The following SEPTIN10 variants were observed in gnomAD, a reference collection of about 807,000 sequenced individuals.
SEPTIN10 encodes the protein septin-10.
In SEPTIN10, 66 loss-of-function variants were observed where a neutral mutation model predicts 54.8. That is an observed-to-expected ratio of 1.21 (90% CI 0.99 to 1.48). The LOEUF is 1.48. SEPTIN10 is among the 40% of genes most tolerant of loss of function. The pLI is 0.00. For synonymous variants in SEPTIN10, 161 were observed against 181.0 expected (o/e 0.89, Z 0.89); for missense variants, 620 against 545.6 (o/e 1.14, Z -1.36).
At chr2:109,589,366 C>A (rs1693412904) in intron 2 of SEPTIN10, among the ~76,000 whole-genome samples, 1 of 151,962 alleles carries the variant, frequency 6.6e-6, no homozygotes, top group Non-Finnish European at 1.5e-5. Context: ...AACCCCATCT[C>A]TACCAGAAAT....
chr2:109,585,802 G>A lies in SEPTIN10; in HGVS notation c.136C>T (p.His46Tyr). 1 of 1,613,774 alleles carries A rather than the reference G, an allele frequency of 6.2e-7. No individual in the cohort carries two copies. Among genetic ancestry groups the A allele is most frequent in the African/African-American group, 1.3e-5 (1 of 74,966 alleles). The change falls in exon 3 of 11, where the codon CAT becomes TAT. Residue 46 changes from histidine to tyrosine, a missense_variant. Transcript: ENST00000397712. Reference protein sequence around the residue: ...ENIRSLTMSGHVGFESLPDQL... With the variant: ...ENIRSLTMSGYVGFESLPDQL... ...TCAGGCAAACTCTCAAAACCAACAT[G>A]GCCAGACATAGTCAACGAACGAATG...
intron 1 of SEPTIN10, chr2:109,613,163 A>C: frequency 7.8e-7 from 1 of 1,289,122 alleles, no homozygotes. Flanking sequence ...TATTAACGAA[A>C]ATAGTTGTAA....
At chr2:109,613,706 G>C (rs1448150836) in intron 1 of SEPTIN10, 92 bp downstream of exon 1, 5 of 880,070 alleles carry the variant, frequency 5.7e-6, no homozygotes, top group East Asian at 3.6e-5. Flanking sequence ...TCACAATCCC[G>C]GGCCGGACCA....
rs553760567 is a variant in SEPTIN10, at chr2:109,586,390, G to C, written c.100-552C>G. Among the ~76,000 whole-genome samples the C allele has an allele frequency of 8.5e-5, 13 of 152,192 alleles. No homozygotes were observed. The South Asian group carries it at 2.7e-3, about 32-fold the overall frequency. The stretch of plus-strand genomic sequence containing the variant: ...TGAGGGAAGGAAACTTATCAGGTGA[G>C]ATGAGTTTATCTAGCTTTTTCCCTG... On this transcript the variant is annotated intron_variant, in intron 2 of 10. Coordinates refer to ENST00000397712, the MANE Select transcript of SEPTIN10 (RefSeq NM_144710.5).
At chr2:109,566,405 G>C (rs1171542021) in intron 6 of SEPTIN10, among the ~76,000 whole-genome samples, 1 of 152,056 alleles carries the variant, frequency 6.6e-6, no homozygotes, top group Non-Finnish European at 1.5e-5. Context: ...TAATCCCAAA[G>C]TGCTGGGATT....
intron 4 of SEPTIN10, among the ~76,000 whole-genome samples, chr2:109,579,633 T>C (rs1035980986): frequency 2.0e-5 from 3 of 151,314 alleles, no homozygotes; most frequent in African/African-American, 7.3e-5. Context: ...TCCACCCACC[T>C]TGGCCTCCCA....
At chr2:109,612,967 A>T (rs935446818) in intron 1 of SEPTIN10, 34 of 433,974 alleles carry the variant, frequency 7.8e-5, no homozygotes, top group Non-Finnish European at 1.4e-4. Context: ...GTGGTTCTCA[A>T]ACTTTTTGGT....
chr2:109,563,205 C>A (rs1360887881), intron 8 of SEPTIN10, among the ~76,000 whole-genome samples: 1 of 152,188 alleles, frequency 6.6e-6, no homozygotes, highest in Non-Finnish European at 1.5e-5. Flanking sequence ...AACCACCACA[C>A]CCGGCCATAA....
chr2:109,583,751 C>T (rs115889576), intron 4 of SEPTIN10, among the ~76,000 whole-genome samples: 4,739 of 152,198 alleles, frequency 0.031, 245 homozygotes, highest in African/African-American at 0.11. Context: ...TGCCCATCAA[C>T]GTGGACTGGA....
chr2:109,573,457 G>T (rs931775004), intron 5 of SEPTIN10, among the ~76,000 whole-genome samples: 1 of 152,154 alleles, frequency 6.6e-6, no homozygotes, highest in Non-Finnish European at 1.5e-5. Context: ...TAGAACATCT[G>T]ATCACATGTG....
At chr2:109,580,103 A>G (rs1402921150) in intron 4 of SEPTIN10, among the ~76,000 whole-genome samples, 1 of 152,136 alleles carries the variant, frequency 6.6e-6, no homozygotes, top group East Asian at 1.9e-4. Flanking sequence ...CCTGGGCGAC[A>G]AGAGTGAAGT....
chr2:109,592,478 A>C (rs770410539), intron 2 of SEPTIN10, among the ~76,000 whole-genome samples: 1 of 149,004 alleles, frequency 6.7e-6, no homozygotes, highest in Admixed American at 6.7e-5. Context: ...AAACAAAAAC[A>C]AACAACGAAT....
chr2:109,564,319 C>A, intron 8 of SEPTIN10, 47 bp downstream of exon 8: 1 of 1,440,628 alleles, frequency 6.9e-7, no homozygotes, highest in South Asian at 1.7e-5. Context: ...AATATGCAAT[C>A]CTCTCTAACT....
intron 8 of SEPTIN10, among the ~76,000 whole-genome samples, chr2:109,562,786 C>T (rs1044759215): frequency 4.6e-5 from 7 of 152,048 alleles, no homozygotes; most frequent in East Asian, 1.9e-4. Flanking sequence ...GAAGCTAACT[C>T]GAGATGATTA....
Position 109,564,516 on chromosome 2 carries a change from C to A in SEPTIN10, c.878G>T (p.Cys293Phe), listed in dbSNP as rs750969804. ...GVVQVENENH[C>F]DFVKLREMLI... is the part of the protein sequence containing the mutation. Reference sequence around the variant, plus strand: ...CATTTCCCGCAGCTTTACAAAGTCACAGTGGTTTTCATTTTCCACTAGCCA... The same window carrying A: ...CATTTCCCGCAGCTTTACAAAGTCAAAGTGGTTTTCATTTTCCACTAGCCA... Residue 293 changes from cysteine (C) to phenylalanine (F), a missense_variant, in exon 8 of 11, where the codon TGT becomes TTT. Physicochemically the swap from Cys to Phe is radical, Grantham distance 205. Coordinates refer to ENST00000397712, the MANE Select transcript of SEPTIN10 (RefSeq NM_144710.5). 20 of 1,521,272 alleles carry A rather than the reference C, an allele frequency of 1.3e-5. No individual in the cohort carries two copies. The highest frequency in any genetic ancestry group is 1.7e-5 in the Non-Finnish European group (19 of 1,127,428). 94.2% of individuals were successfully genotyped at this position (1,521,272 alleles called of 1,614,324 possible). A position where few individuals can be genotyped will look rare whatever the true frequency, so the allele number is the denominator to read the frequency against.
At chr2:109,557,791 A>G (rs188917187) in intron 8 of SEPTIN10, among the ~76,000 whole-genome samples, 1 of 152,240 alleles carries the variant, frequency 6.6e-6, no homozygotes, top group Admixed American at 6.5e-5. Flanking sequence ...AAAAATAAAA[A>G]CATTTTCTTG....
At chr2:109,575,413 GGCAC>G (rs1689467750) in intron 4 of SEPTIN10, among the ~76,000 whole-genome samples, 1 of 152,198 alleles carries the variant, frequency 6.6e-6, no homozygotes, top group Admixed American at 6.5e-5. Context: ...TAGTAATGGT[GGCAC>G]GTTTTTATTT....
At chr2:109,596,525 G>C (rs532209791) in intron 1 of SEPTIN10, among the ~76,000 whole-genome samples, 3 of 152,114 alleles carry the variant, frequency 2.0e-5, no homozygotes, top group African/African-American at 7.2e-5. Flanking sequence ...GCTGAGGCAG[G>C]AGAATGGCGT....
intron 1 of SEPTIN10, among the ~76,000 whole-genome samples, chr2:109,606,426 A>G (rs1318703755): frequency 6.6e-6 from 1 of 152,150 alleles, no homozygotes; most frequent in Non-Finnish European, 1.5e-5. Flanking sequence ...AAAACAAAAA[A>G]TAAAAAATAA....
Sources: gnomAD v4.1 joint callset for allele counts (sites outside exome capture counted in the v4.1 genomes callset) on GRCh38, gnomAD v4.1.1 for gene constraint, MANE v1.5 for transcripts, NCBI Gene and HGNC (gene_info 2026-07-23, HGNC 2026-07-21) for gene names.